The following RAE1 variants were observed in gnomAD, a reference collection of about 807,000 sequenced individuals.
RAE1 encodes the protein mRNA export factor RAE1.
RAE1 carries 13 observed loss-of-function variants against 52.7 expected under a neutral mutation model. That is an observed-to-expected ratio of 0.25 (90% CI 0.16 to 0.39). The LOEUF (loss-of-function observed/expected upper bound fraction) is 0.39, where lower values mean the gene tolerates loss of function less well. Ranked by LOEUF, RAE1 falls within the 10% of genes least tolerant of loss-of-function variation. The pLI, the probability that RAE1 is intolerant of heterozygous loss-of-function variation, is 1.00. For missense variants in RAE1, 262 were observed against 459.8 expected, an observed-to-expected ratio of 0.57 and a Z score of 3.93; for synonymous variants, 164 against 153.1, an observed-to-expected ratio of 1.07 and a Z score of -0.52.
intron 9 of RAE1, 38 bp from the exon 10 acceptor site, chr20:57,373,625 T>C (rs773292226): frequency 2.2e-5 from 36 of 1,613,444 alleles, no homozygotes; most frequent in Non-Finnish European, 2.5e-5. Flanking sequence ...TGGACTTTTT[T>C]TAACAAAGGA....
chr20:57,373,582 G>A lies in RAE1; in HGVS notation c.749+1G>A. The A allele has an allele frequency of 6.2e-7, 1 of 1,613,720 alleles. No homozygotes were observed. Among genetic ancestry groups the A allele is most frequent in the Non-Finnish European group, 8.5e-7 (1 of 1,179,620 alleles). On this transcript the variant is annotated splice_donor_variant, in intron 9 of 11. Coordinates refer to ENST00000395841, the MANE Select transcript of RAE1 (RefSeq NM_003610.4). LOFTEE classifies it high-confidence loss of function. ...TTCACTATATCAACCCCCCGAACCC[G>A]TAAGTGTGACTCTGTCAGCTTGCAG...
At chr20:57,377,016 T>G (rs1188319971) in intron 11 of RAE1, among the ~76,000 whole-genome samples, 1 of 152,252 alleles carries the variant, frequency 6.6e-6, no homozygotes, top group African/African-American at 2.4e-5. Context: ...TTTTTCATTG[T>G]TCTTAGTTCA....
At chr20:57,351,735 C>G in intron 1 of RAE1, 1 of 985,534 alleles carries the variant, frequency 1.0e-6, no homozygotes, top group Non-Finnish European at 1.2e-6. Context: ...ATGTCAGCTC[C>G]TGGGAGAAGC....
intron 11 of RAE1, among the ~76,000 whole-genome samples, chr20:57,377,250 C>T (rs1399195201): frequency 6.6e-6 from 1 of 152,210 alleles, no homozygotes; most frequent in African/African-American, 2.4e-5. Context: ...TGCCCCACCT[C>T]CCTCTTCCAG....
chr20:57,354,565 T>A (rs1372939076), intron 2 of RAE1, 147 bp from the exon 3 acceptor site: 1 of 544,906 alleles, frequency 1.8e-6, no homozygotes, highest in Non-Finnish European at 3.1e-6. Context: ...TTTTTACTCC[T>A]GTCTTTGATC....
intron 4 of RAE1, among the ~76,000 whole-genome samples, chr20:57,361,723 A>G (rs894786480): frequency 2.6e-5 from 4 of 152,206 alleles, no homozygotes; most frequent in Admixed American, 2.0e-4. Flanking sequence ...AAAATACCAA[A>G]TGCATGACAG....
chr20:57,377,578 G>A (rs147285380), intron 11 of RAE1, among the ~76,000 whole-genome samples: 42 of 152,288 alleles, frequency 2.8e-4, no homozygotes, highest in Middle Eastern at 3.4e-3. Flanking sequence ...GCTGTGCTCC[G>A]TGTCTGTTGC....
rs1329995008 is a variant in RAE1 at position 57,366,788 on chromosome 20, G to A, written c.376-19G>A. 3.8e-6 allele frequency: 6 copies of A among 1,586,482 alleles called. No individual in the cohort carries two copies. In the Admixed American group the frequency reaches 5.0e-5, roughly 13 times the overall value. ...TCTTACATTTACCTTGATCTGTTTT[G>A]TTTTTGTCTTGTTGAAAGCATGATG... On this transcript the variant is annotated intron_variant, in intron 5 of 11. Transcript: ENST00000395841.
rs764784482 is a variant in RAE1 at position 57,366,966 on chromosome 20, G to T, written c.463-42G>T. 1.0e-5 allele frequency: 16 copies of T among 1,584,040 alleles called. No individual in the cohort carries two copies. The South Asian group carries it at 1.4e-4, about 14-fold the overall frequency. On this transcript the variant is annotated intron_variant, in intron 6 of 11. Transcript: ENST00000395841. The stretch of plus-strand genomic sequence containing the variant: ...TTATTTTTGCACCATTTCGACTTCT[G>T]CTCTGAATGGTCACATACTGGCTTC...
chr20:57,356,403 A>G (rs1157266114), intron 3 of RAE1, 43 bp from the exon 4 acceptor site: 13 of 1,493,116 alleles, frequency 8.7e-6, no homozygotes, highest in Admixed American at 1.8e-5. Context: ...CAAGCAATAC[A>G]TCGTAATTGC....
intron 11 of RAE1, among the ~76,000 whole-genome samples, chr20:57,376,200 T>G (rs1012390185): frequency 6.6e-6 from 1 of 152,236 alleles, no homozygotes; most frequent in Non-Finnish European, 1.5e-5. Flanking sequence ...CTTCTGTGTT[T>G]CCCTGTTTGA....
intron 4 of RAE1, among the ~76,000 whole-genome samples, chr20:57,362,041 C>T (rs1043483850): frequency 1.3e-5 from 2 of 152,170 alleles, no homozygotes; most frequent in Non-Finnish European, 2.9e-5. Flanking sequence ...GTTGTGTCTT[C>T]CTTATGAGAA....
chr20:57,362,555 A>T (rs2066904797), intron 4 of RAE1, among the ~76,000 whole-genome samples: 1 of 152,376 alleles, frequency 6.6e-6, no homozygotes, highest in Middle Eastern at 3.4e-3. Flanking sequence ...GAATTAACTA[A>T]TGCAGGAATC....
At chr20:57,374,937 A>ACAGGG in intron 11 of RAE1, 136 bp downstream of exon 11, 1 of 944,694 alleles carries the variant, frequency 1.1e-6, no homozygotes, top group Non-Finnish European at 1.7e-6. Context: ...CCCTCCCTGT[A>ACAGGG]AGGGGAAATT....
At chr20:57,360,435 A>G (rs944773499) in intron 4 of RAE1, among the ~76,000 whole-genome samples, 2 of 152,212 alleles carry the variant, frequency 1.3e-5, no homozygotes, top group Non-Finnish European at 2.9e-5. Context: ...GGTGAGACGT[A>G]TCGGGGTTTA....
At chr20:57,353,961 A>G in intron 1 of RAE1, 71 bp from the exon 2 acceptor site, 19 of 1,335,516 alleles carry the variant, frequency 1.4e-5, no homozygotes, top group Non-Finnish European at 1.6e-5. Flanking sequence ...TCTGCCAGTT[A>G]ATTATCTTAC....
intron 4 of RAE1, chr20:57,357,331 T>C (rs907987808): frequency 1.3e-5 from 2 of 152,238 alleles, no homozygotes; most frequent in Non-Finnish European, 2.9e-5. Flanking sequence ...GTTTTGCTTT[T>C]ACAAGAGTAT....
At chr20:57,354,000 A>C in intron 1 of RAE1, 32 bp from the exon 2 acceptor site, 1 of 1,568,604 alleles carries the variant, frequency 6.4e-7, no homozygotes, top group South Asian at 1.1e-5. Flanking sequence ...TTAAGAGAAA[A>C]CCCATCCTTA....
chr20:57,364,945 A>G (rs746851007), intron 4 of RAE1, among the ~76,000 whole-genome samples: 32 of 152,252 alleles, frequency 2.1e-4, no homozygotes, highest in Admixed American at 3.3e-4. Flanking sequence ...AATGTTTACA[A>G]TTGATGAATC....
Sources: gnomAD v4.1 joint callset for allele counts (sites outside exome capture counted in the v4.1 genomes callset) on GRCh38, gnomAD v4.1.1 for gene constraint, MANE v1.5 for transcripts, NCBI Gene and HGNC (gene_info 2026-07-23, HGNC 2026-07-21) for gene names.